FOCAD: variants seen among roughly 807,000 people sequenced by gnomAD.
FOCAD encodes the protein focadhesin.
A neutral mutation model predicts 225.6 loss-of-function variants in FOCAD; 198 were observed. The ratio of observed to expected loss-of-function variants is 0.88; its 90% CI spans 0.78 to 0.99. FOCAD has a LOEUF of 0.99. FOCAD is among the 50% of genes least tolerant of loss of function. The pLI is 0.00. For synonymous variants in FOCAD, 897 were observed against 755.0 expected (o/e 1.19, Z -3.08); for missense variants, 2,713 against 2,123.6 (o/e 1.28, Z -5.46).
At chr9:20,720,335 T>C in intron 3 of FOCAD, 45 bp from the exon 4 acceptor site, 1 of 1,592,804 alleles carries the variant, frequency 6.3e-7, no homozygotes, top group Non-Finnish European at 8.6e-7. Context: ...GTGTGTGTGT[T>C]TGCTGCTCAT....
At chr9:20,709,789 C>T (rs1426684387) in intron 1 of FOCAD, among the ~76,000 whole-genome samples, 3 of 152,122 alleles carry the variant, frequency 2.0e-5, no homozygotes, top group Non-Finnish European at 2.9e-5. Context: ...GGTAAAGTTA[C>T]TATAGATTTA....
intron 39 of FOCAD, among the ~76,000 whole-genome samples, chr9:20,984,444 T>G (rs1840975283): frequency 6.6e-6 from 1 of 152,144 alleles, no homozygotes; most frequent in South Asian, 2.1e-4. Flanking sequence ...TATTAGAAAT[T>G]TAAAGACTAG....
intron 2 of FOCAD, among the ~76,000 whole-genome samples, chr9:20,671,886 C>G (rs1207143167): frequency 6.6e-6 from 1 of 152,112 alleles, no homozygotes; most frequent in Admixed American, 6.5e-5. Context: ...ATTGTGTACA[C>G]CTCTTTCAAA....
At chr9:20,775,885 A>G (rs1048257898) in intron 8 of FOCAD, among the ~76,000 whole-genome samples, 8 of 151,600 alleles carry the variant, frequency 5.3e-5, no homozygotes, top group Admixed American at 2.6e-4. Context: ...TCCTTATTTT[A>G]TATATTTTAT....
chr9:20,724,540 G>A (rs892348550), intron 4 of FOCAD, among the ~76,000 whole-genome samples: 16 of 152,102 alleles, frequency 1.1e-4, no homozygotes, highest in Non-Finnish European at 1.5e-4. Context: ...AGATGCTGAA[G>A]CTAACCAATT....
chr9:20,756,407 A>G (rs1244265646), intron 5 of FOCAD, among the ~76,000 whole-genome samples: 2 of 152,182 alleles, frequency 1.3e-5, no homozygotes, highest in East Asian at 1.9e-4. Flanking sequence ...TGTTTTTAAA[A>G]GAGAAAAAAA....
At position 20,883,973 on chromosome 9, in the gene FOCAD, C is replaced by T. The variant is rs761602616; in HGVS notation, c.2504-1136C>T. On this transcript the variant is annotated intron_variant, in intron 20 of 43. Transcript: ENST00000338382. ...AGGTTCAGCTGAGAGCTTAACTGAC[C>T]GTTGTGGAAAGGGCAGGGAGAAGAG... Among the ~76,000 whole-genome samples the T allele has an allele frequency of 5.3e-5, 8 of 152,120 alleles. No individual in the cohort carries two copies. The South Asian group carries it at 8.3e-4, about 16-fold the overall frequency.
intron 2 of FOCAD, among the ~76,000 whole-genome samples, chr9:20,669,264 A>T (rs1345759683): frequency 6.6e-6 from 1 of 152,122 alleles, no homozygotes; most frequent in African/African-American, 2.4e-5. Context: ...TTTGTCACTA[A>T]TTCCTTACAC....
intron 21 of FOCAD, among the ~76,000 whole-genome samples, chr9:20,905,211 C>T (rs1832859195): frequency 6.6e-6 from 1 of 151,948 alleles, no homozygotes; most frequent in African/African-American, 2.4e-5. Flanking sequence ...TACTGTGCTC[C>T]TGTACCCACC....
intron 35 of FOCAD, among the ~76,000 whole-genome samples, chr9:20,958,166 AG>A (rs1838373445): frequency 6.6e-6 from 1 of 152,176 alleles, no homozygotes; most frequent in African/African-American, 2.4e-5. Context: ...AAGAATTATG[AG>A]TCACTTTATG....
intron 4 of FOCAD, among the ~76,000 whole-genome samples, chr9:20,734,509 A>G (rs953007326): frequency 1.3e-5 from 2 of 152,238 alleles, no homozygotes; most frequent in Non-Finnish European, 2.9e-5. Context: ...TGTCACATGC[A>G]TAAATCTGTT....
At chr9:20,989,548 ATGGCACATGTCTATAG>A in intron 41 of FOCAD, among the ~76,000 whole-genome samples, 1 of 152,248 alleles carries the variant, frequency 6.6e-6, no homozygotes, top group Middle Eastern at 3.4e-3. Context: ...GCTGGGCACA[ATGGCACATGTCTATAG>A]TCCCAGCCAC....
chr9:20,962,772 TA>T (rs1231599948), intron 35 of FOCAD, among the ~76,000 whole-genome samples: 1 of 152,200 alleles, frequency 6.6e-6, no homozygotes, highest in Non-Finnish European at 1.5e-5. Flanking sequence ...TTCCAGGTTT[TA>T]CAACATCTGG....
rs545976303 is a variant in FOCAD at position 20,986,266 on chromosome 9, A to ATTTTTTTTT, written c.4729-13_4729-5dup. The stretch of plus-strand genomic sequence containing the variant: ...CAGTTAATTTAATAGTAACTAAACA[A>ATTTTTTTTT]TTTTTTTTTTTTTTTTTGCAGAGCA... On this transcript the variant is annotated intron_variant, in intron 39 of 43. Coordinates refer to ENST00000338382, the MANE Select transcript of FOCAD (RefSeq NM_001375567.1). The ATTTTTTTTT allele has an allele frequency of 1.6e-3, 1,116 of 709,678 alleles. 223 individuals are homozygous for ATTTTTTTTT. The highest frequency in any genetic ancestry group is 3.2e-3 in the East Asian group (26 of 8,228). 44.0% of individuals were successfully genotyped at this position (709,678 alleles called of 1,614,324 possible). A position where few individuals can be genotyped will look rare whatever the true frequency, so the allele number is the denominator to read the frequency against.
intron 12 of FOCAD, 91 bp downstream of exon 12, chr9:20,819,991 A>G (rs1824143134): frequency 1.3e-6 from 1 of 762,500 alleles, no homozygotes; most frequent in South Asian, 2.0e-5. Flanking sequence ...TTAAGCCCTA[A>G]ATTTTGCCAT....
At chr9:20,662,797 A>C (rs1821772329) in intron 2 of FOCAD, among the ~76,000 whole-genome samples, 1 of 152,212 alleles carries the variant, frequency 6.6e-6, no homozygotes, top group Non-Finnish European at 1.5e-5. Flanking sequence ...TTTGGCTCAG[A>C]GCCTGCTTTT....
intron 28 of FOCAD, among the ~76,000 whole-genome samples, chr9:20,944,179 C>G (rs756201827): frequency 6.6e-6 from 1 of 152,192 alleles, no homozygotes; most frequent in African/African-American, 2.4e-5. Context: ...ATCTTCTTTG[C>G]TATTAGTCAG....
intron 2 of FOCAD, among the ~76,000 whole-genome samples, chr9:20,671,355 T>G (rs1272010942): frequency 1.3e-5 from 2 of 152,198 alleles, no homozygotes; most frequent in Non-Finnish European, 2.9e-5. Flanking sequence ...CAAATTTCAC[T>G]TCTCCAATTA....
At chr9:20,901,345 G>A (rs1044629054) in intron 21 of FOCAD, among the ~76,000 whole-genome samples, 1 of 151,600 alleles carries the variant, frequency 6.6e-6, no homozygotes, top group Non-Finnish European at 1.5e-5. Context: ...CATGAAAAAT[G>A]CCTTTGTAAG....
Sources: allele counts gnomAD v4.1 joint callset (sites outside exome capture counted in the v4.1 genomes callset), GRCh38; gene constraint gnomAD v4.1.1; transcripts MANE v1.5; gene names NCBI Gene and HGNC (gene_info 2026-07-23, HGNC 2026-07-21).